TMC3: variants seen among roughly 807,000 people sequenced by gnomAD.
TMC3 encodes the protein transmembrane channel like 3.
In TMC3, 98 loss-of-function variants were observed where a neutral mutation model predicts 110.6. That is an observed-to-expected ratio of 0.89 (90% CI 0.75 to 1.05). The LOEUF (loss-of-function observed/expected upper bound fraction) is 1.05. Ranked by LOEUF, TMC3 falls within the 50% of genes least tolerant of loss-of-function variation. The pLI is 0.00. For missense variants in TMC3, 1,319 were observed against 1,373.2 expected (o/e 0.96, Z 0.62); for synonymous variants, 489 against 513.1 (o/e 0.95, Z 0.63).
At position 81,373,982 on chromosome 15, in the gene TMC3, A is replaced by T. The variant is rs1894494097; in HGVS notation, c.89+7T>A. 1.2e-6 allele frequency: 2 copies of T among 1,612,910 alleles called. No homozygotes were observed. Among genetic ancestry groups the T allele is most frequent in the Non-Finnish European group, 1.7e-6 (2 of 1,179,472 alleles). The stretch of plus-strand genomic sequence containing the variant: ...CTCTGCCCAGCTGATGAATGGGGCC[A>T]GCTCACCTGAGCAGCAGAGATTCCT... On this transcript the variant is annotated splice_region_variant and intron_variant, in intron 1 of 21. Coordinates refer to ENST00000359440, the MANE Select transcript of TMC3 (RefSeq NM_001080532.3).
In TMC3 at chr15:81,334,797, G is replaced by A. The variant is rs1485117073; in HGVS notation, c.2382C>T (p.Ser794=). The change falls in exon 21 of 22, where the codon AGC becomes AGT. Residue 794 remains serine, a synonymous_variant. Transcript: ENST00000359440. ...IETVAQSMPQ[S]PRPGDRAPSS... ...TAGGAGCCCTGTCCCCTGGCCTCGG[G>A]CTCTGGGGCATGGACTGTGCGACTG... The A allele has an allele frequency of 3.1e-6, 5 of 1,614,020 alleles. No individual in the cohort carries two copies. The African/African-American group carries it at 5.3e-5, about 17-fold the overall frequency.
intron 6 of TMC3, 30 bp from the exon 7 acceptor site, chr15:81,358,321 G>T (rs777357098): frequency 1.3e-6 from 2 of 1,597,792 alleles, no homozygotes; most frequent in African/African-American, 2.7e-5. Context: ...TGTCATTTCT[G>T]CTTCCCGTTC....
In TMC3 at chr15:81,332,663, T is replaced by C; in HGVS notation, c.3059A>G (p.Gln1020Arg). The C allele has an allele frequency of 6.2e-7, 1 of 1,614,006 alleles. No individual in the cohort carries two copies. The highest frequency in any genetic ancestry group is 8.5e-7 in the Non-Finnish European group (1 of 1,179,896). ...GGGCTTCAGAGGGGGCTGTGGGTAT[T>C]GGAAATTCCGGGATCGTGGCTTTCT... ...VPRKPRSRNF[Q>R]YPQPPLKPRG... is the part of the protein sequence containing the mutation. Residue 1020 changes from glutamine to arginine, a missense_variant, in exon 22 of 22, where the codon CAA becomes CGA. Transcript: ENST00000359440.
At chr15:81,356,851 G>A (rs920743242) in intron 7 of TMC3, among the ~76,000 whole-genome samples, 1 of 152,204 alleles carries the variant, frequency 6.6e-6, no homozygotes, top group Non-Finnish European at 1.5e-5. Flanking sequence ...TCCCACCACT[G>A]TGGTGCCCAG....
intron 11 of TMC3, among the ~76,000 whole-genome samples, chr15:81,348,202 GA>G (rs1691482188): frequency 6.6e-6 from 1 of 152,214 alleles, no homozygotes; most frequent in Admixed American, 6.5e-5. Flanking sequence ...CTTTTTGGGA[GA>G]TGTTTGCCAA....
In TMC3 at chr15:81,339,498, G is replaced by A; in HGVS notation, c.1851C>T (p.Asn617=). The change falls in exon 17 of 22, where the codon AAC becomes AAT. Residue 617 remains asparagine, a synonymous_variant. Transcript: ENST00000359440. The part of the protein sequence containing the change: ...HQQVFRASRS[N]NFYLAMLLFM... The stretch of plus-strand genomic sequence containing the variant: ...ACAGGAGCATTGCCAAGTAGAAGTT[G>A]TTGGATCTGCAGATAAATCAGATGT... 2 of 1,596,886 alleles carry A rather than the reference G, an allele frequency of 1.3e-6. No homozygotes were observed. Among genetic ancestry groups the A allele is most frequent in the Non-Finnish European group, 1.7e-6 (2 of 1,171,222 alleles).
intron 17 of TMC3, 92 bp downstream of exon 17, chr15:81,339,302 G>A: frequency 1.0e-6 from 1 of 978,008 alleles, no homozygotes; most frequent in Non-Finnish European, 1.6e-6. Context: ...CTGTTTACCT[G>A]CTCTGTGAGC....
rs1307353433 is a variant in TMC3, at chr15:81,346,352, G to A, written c.1272+13C>T. The stretch of plus-strand genomic sequence containing the variant: ...AGAGGTGGGGCAGGCAACTATCTGG[G>A]ATGGGCACTCACCTCAATGCTCATG... On this transcript the variant is annotated intron_variant, in intron 12 of 21. Transcript: ENST00000359440. 2.5e-6 allele frequency: 4 copies of A among 1,612,602 alleles called. No homozygotes were observed. Among genetic ancestry groups the A allele is most frequent in the Non-Finnish European group, 3.4e-6 (4 of 1,179,076 alleles).
At chr15:81,347,573 C>T (rs1465285956) in intron 11 of TMC3, among the ~76,000 whole-genome samples, 1 of 152,212 alleles carries the variant, frequency 6.6e-6, no homozygotes, top group East Asian at 1.9e-4. Context: ...TGCATTTCCT[C>T]TCCTGCTGTC....
chr15:81,352,817 TTTTGTTTG>T (rs770988781), intron 9 of TMC3, among the ~76,000 whole-genome samples: 1 of 152,160 alleles, frequency 6.6e-6, no homozygotes, highest in Non-Finnish European at 1.5e-5. Context: ...TTTGTTTGTT[TTTTGTTTG>T]TTTGTTTGTT....
intron 20 of TMC3, among the ~76,000 whole-genome samples, chr15:81,335,192 T>C (rs970284936): frequency 6.6e-6 from 1 of 152,220 alleles, no homozygotes; most frequent in Non-Finnish European, 1.5e-5. Flanking sequence ...AGGAATCAAG[T>C]GAACACAAGG....
At position 81,344,867 on chromosome 15, in the gene TMC3, T is replaced by C. The variant is rs985579203; in HGVS notation, c.1417A>G (p.Thr473Ala). 2.5e-6 allele frequency: 4 copies of C among 1,613,960 alleles called. No homozygotes were observed. Among genetic ancestry groups the C allele is most frequent in the African/African-American group, 2.7e-5 (2 of 75,034 alleles). The stretch of plus-strand genomic sequence containing the variant: ...GGCATGGTATAAGCTGAAATGCTGG[T>C]CTCTTCCAAGGCCCATGTGTTGTTT... ...RRNNTWALEE[T>A]SISAYTMPLI... is the part of the protein sequence containing the mutation. Residue 473 changes from threonine (T) to alanine (A), a missense_variant, in exon 13 of 22, where the codon ACC becomes GCC. Thr to Ala is a moderately conservative substitution (Grantham distance 58). Transcript: ENST00000359440.
At chr15:81,370,981 A>G (rs1405532961) in intron 2 of TMC3, among the ~76,000 whole-genome samples, 2 of 151,156 alleles carry the variant, frequency 1.3e-5, no homozygotes, top group Non-Finnish European at 3.0e-5. Flanking sequence ...CCAAGAACCT[A>G]TGTCTTTTTT....
At position 81,332,598 on chromosome 15, in the gene TMC3, CAG is replaced by C; in HGVS notation, c.3122_3123del (p.Ser1041Ter). On this transcript the variant is annotated frameshift_variant, in exon 22 of 22. Coordinates refer to ENST00000359440, the MANE Select transcript of TMC3 (RefSeq NM_001080532.3). LOFTEE classifies it low-confidence loss of function (END_TRUNC). ...CTGCTGGATGCTGCCGACACGGAGT[CAG>C]ATTCCGTGAGGGATGGCTCGAACCT... ...KPRFEPSLTE[S>X]DSVSAASSSD... The C allele has an allele frequency of 6.2e-7, 1 of 1,613,912 alleles. No homozygotes were observed. The highest frequency in any genetic ancestry group is 8.5e-7 in the Non-Finnish European group (1 of 1,179,840).
chr15:81,335,088 T>C (rs1209800401), intron 20 of TMC3, 113 bp from the exon 21 acceptor site: 9 of 1,155,052 alleles, frequency 7.8e-6, no homozygotes, highest in Admixed American at 7.2e-5. Flanking sequence ...CCGCAAACAA[T>C]TGAGTGCACT....
intron 7 of TMC3, among the ~76,000 whole-genome samples, chr15:81,356,805 A>G (rs776436561): frequency 1.3e-5 from 2 of 152,308 alleles, no homozygotes; most frequent in East Asian, 1.9e-4. Flanking sequence ...GAAAACTGCA[A>G]TGGCCCATTA....
intron 7 of TMC3, 61 bp from the exon 8 acceptor site, chr15:81,356,655 A>G: frequency 6.6e-7 from 1 of 1,525,174 alleles, no homozygotes; most frequent in South Asian, 1.2e-5. Flanking sequence ...TGTAGCTAGC[A>G]CCCATGGAGC....
At chr15:81,371,793 T>C (rs1267079266) in intron 2 of TMC3, among the ~76,000 whole-genome samples, 2 of 152,194 alleles carry the variant, frequency 1.3e-5, no homozygotes, top group African/African-American at 4.8e-5. Context: ...AAGGACCCTC[T>C]CCCTTGGTTT....
At chr15:81,349,759 C>CTTTTT (rs532576010) in intron 10 of TMC3, among the ~76,000 whole-genome samples, 192 bp from the exon 11 acceptor site, 5 of 129,482 alleles carry the variant, frequency 3.9e-5, no homozygotes, top group African/African-American at 6.1e-5. Flanking sequence ...TTATCATGGT[C>CTTTTT]TTTTTTTTTT....
Sources: gnomAD v4.1 joint callset for allele counts (sites outside exome capture counted in the v4.1 genomes callset) on GRCh38, gnomAD v4.1.1 for gene constraint, MANE v1.5 for transcripts, NCBI Gene and HGNC (gene_info 2026-07-23, HGNC 2026-07-21) for gene names.